The following NKAIN2 variants were observed in gnomAD, a reference collection of about 807,000 sequenced individuals.
NKAIN2 encodes the protein sodium/potassium transporting ATPase interacting 2.
NKAIN2 carries 14 observed loss-of-function variants against 32.6 expected under a neutral mutation model. The observed-to-expected ratio is 0.43, with a 90% confidence interval of 0.28 to 0.67. The LOEUF (loss-of-function observed/expected upper bound fraction) is 0.67. Ranked by LOEUF, NKAIN2 falls within the 30% of genes least tolerant of loss-of-function variation. The pLI is 0.17. For synonymous variants in NKAIN2, 80 were observed against 87.2 expected (o/e 0.92, Z 0.46); for missense variants, 198 against 258.3 (o/e 0.77, Z 1.60).
Position 123,933,551 on chromosome 6 carries a change from G to A in NKAIN2, c.54+129297G>A, listed in dbSNP as rs112597746. Among the ~76,000 whole-genome samples, 476 of 152,256 alleles carry A rather than the reference G, an allele frequency of 3.1e-3. 1 individual carries two copies. Among genetic ancestry groups the A allele is most frequent in the South Asian group, 8.1e-3 (39 of 4,830 alleles). On this transcript the variant is annotated intron_variant, in intron 1 of 6. Transcript: ENST00000368417. ...GAAGACTGAAAAGCAAAGAAACTACGGGTTCCTTTGTCTTTCTCTTTCCTT... is the reference window on the plus strand; with the variant it reads ...GAAGACTGAAAAGCAAAGAAACTACAGGTTCCTTTGTCTTTCTCTTTCCTT...
chr6:124,186,917 T>A (rs1173214482), intron 1 of NKAIN2, among the ~76,000 whole-genome samples: 1 of 152,110 alleles, frequency 6.6e-6, no homozygotes, highest in Non-Finnish European at 1.5e-5. Flanking sequence ...ATAATCCTTC[T>A]AGGATACCTT....
intron 1 of NKAIN2, among the ~76,000 whole-genome samples, chr6:124,004,471 G>C (rs781750984): frequency 2.6e-5 from 4 of 152,050 alleles, no homozygotes; most frequent in Non-Finnish European, 4.4e-5. Flanking sequence ...GACAGGAAAG[G>C]GGAGAGGAAA....
intron 3 of NKAIN2, among the ~76,000 whole-genome samples, chr6:124,518,059 T>C (rs1182075864): frequency 6.6e-6 from 1 of 152,030 alleles, no homozygotes; most frequent in Non-Finnish European, 1.5e-5. Flanking sequence ...AAAATACATA[T>C]GTTGAATTTT....
intron 3 of NKAIN2, among the ~76,000 whole-genome samples, chr6:124,499,123 G>A (rs1778183831): frequency 1.3e-5 from 2 of 152,126 alleles, no homozygotes; most frequent in Non-Finnish European, 2.9e-5. Flanking sequence ...ATCTCTTCAT[G>A]TAAAAAGGGA....
At chr6:124,139,972 A>G (rs1029643058) in intron 1 of NKAIN2, among the ~76,000 whole-genome samples, 8 of 152,192 alleles carry the variant, frequency 5.3e-5, no homozygotes, top group Non-Finnish European at 8.8e-5. Context: ...ATTAATTTCT[A>G]TTTTTATTTT....
At chr6:124,609,503 T>C (rs564861692) in intron 3 of NKAIN2, among the ~76,000 whole-genome samples, 2 of 152,106 alleles carry the variant, frequency 1.3e-5, no homozygotes, top group South Asian at 2.1e-4. Flanking sequence ...TCACGATATA[T>C]GGGAAATTTA....
At chr6:124,675,937 TTCTTC>T (rs1326707726) in intron 4 of NKAIN2, among the ~76,000 whole-genome samples, 3 of 152,122 alleles carry the variant, frequency 2.0e-5, no homozygotes, top group African/African-American at 7.2e-5. Context: ...TTTAATATCT[TTCTTC>T]TTTTTTAATG....
intron 4 of NKAIN2, among the ~76,000 whole-genome samples, chr6:124,790,972 G>A (rs779994119): frequency 3.9e-5 from 6 of 152,076 alleles, no homozygotes; most frequent in South Asian, 2.1e-4. Context: ...TTTTAGAATC[G>A]TAGGCTCTGA....
At chr6:124,199,518 A>G (rs1790502702) in intron 1 of NKAIN2, among the ~76,000 whole-genome samples, 1 of 152,188 alleles carries the variant, frequency 6.6e-6, no homozygotes, top group Admixed American at 6.6e-5. Context: ...TGTCATTGCC[A>G]GGGAAGCATG....
chr6:124,796,040 G>C (rs984333686), intron 5 of NKAIN2, among the ~76,000 whole-genome samples: 1 of 152,150 alleles, frequency 6.6e-6, no homozygotes, highest in Non-Finnish European at 1.5e-5. Context: ...TGGCAGGCCA[G>C]CTGGTTGTGC....
intron 1 of NKAIN2, among the ~76,000 whole-genome samples, chr6:123,973,003 A>G (rs892303014): frequency 6.6e-5 from 10 of 152,152 alleles, no homozygotes. Context: ...ATATTTTGTA[A>G]CTTTTATATT....
intron 3 of NKAIN2, among the ~76,000 whole-genome samples, chr6:124,529,278 A>G (rs1779432680): frequency 6.6e-6 from 1 of 152,158 alleles, no homozygotes; most frequent in Non-Finnish European, 1.5e-5. Context: ...TAACGTTACT[A>G]AAAGGTACGG....
intron 1 of NKAIN2, among the ~76,000 whole-genome samples, chr6:124,227,443 A>G (rs1476553542): frequency 1.3e-5 from 2 of 152,174 alleles, no homozygotes; most frequent in Non-Finnish European, 2.9e-5. Context: ...AGTCCCTGTG[A>G]GTTTTTCTAA....
rs763635340 is a variant in NKAIN2, at chr6:124,283,102, T to G, written c.152T>G (p.Leu51Trp). The G allele has an allele frequency of 6.2e-7, 1 of 1,610,836 alleles. No individual in the cohort carries two copies. The highest frequency in any genetic ancestry group is 2.2e-5 in the East Asian group (1 of 44,824). The stretch of plus-strand genomic sequence containing the variant: ...CATATTATTATCGTCATTCTTGGTT[T>G]GTTTGGAACTATTCAATATAGACCT... Reference protein sequence around the residue: ...FVHIIIVILGLFGTIQYRPRY... With the variant: ...FVHIIIVILGWFGTIQYRPRY... The change falls in exon 2 of 7, where the codon TTG (leucine) becomes TGG (tryptophan). Residue 51 changes from leucine (L) to tryptophan (W), a missense_variant. Leu to Trp is a moderately conservative substitution (Grantham distance 61, BLOSUM62 -2). Coordinates refer to ENST00000368417, the MANE Select transcript of NKAIN2 (RefSeq NM_001040214.3).
chr6:124,662,521 T>C (rs1784785328), intron 4 of NKAIN2, among the ~76,000 whole-genome samples: 2 of 152,144 alleles, frequency 1.3e-5, no homozygotes. Flanking sequence ...GTGCATGAAA[T>C]GGTAAAAATT....
At chr6:124,230,672 G>A (rs1007724992) in intron 1 of NKAIN2, among the ~76,000 whole-genome samples, 2 of 152,304 alleles carry the variant, frequency 1.3e-5, no homozygotes, top group Admixed American at 1.3e-4. Flanking sequence ...TCCAGCTGTT[G>A]CTTCAGAGGG....
intron 2 of NKAIN2, among the ~76,000 whole-genome samples, chr6:124,315,386 G>T (rs879760623): frequency 3.3e-5 from 5 of 152,144 alleles, no homozygotes; most frequent in Non-Finnish European, 7.4e-5. Flanking sequence ...CAATGTCAGA[G>T]AAGGTAGTGA....
intron 5 of NKAIN2, chr6:124,794,789 A>G (rs1362431990): frequency 1.8e-6 from 1 of 566,806 alleles, no homozygotes; most frequent in Non-Finnish European, 2.2e-6. Flanking sequence ...TTTGGTTACA[A>G]TGCTTTGGGT....
At chr6:124,061,253 A>G (rs550236201) in intron 1 of NKAIN2, among the ~76,000 whole-genome samples, 9 of 152,242 alleles carry the variant, frequency 5.9e-5, no homozygotes, top group African/African-American at 2.2e-4. Flanking sequence ...GGAGTTGGGG[A>G]AAATATTCTC....
Sources: gnomAD v4.1 joint callset for allele counts (sites outside exome capture counted in the v4.1 genomes callset) on GRCh38, gnomAD v4.1.1 for gene constraint, MANE v1.5 for transcripts, NCBI Gene and HGNC (gene_info 2026-07-23, HGNC 2026-07-21) for gene names.